PDE9A: variants seen among roughly 807,000 people sequenced by gnomAD.
PDE9A encodes phosphodiesterase 9A, also known as high affinity cGMP-specific 3',5'-cyclic phosphodiesterase 9A.
A neutral mutation model predicts 87.4 loss-of-function variants in PDE9A; 60 were observed. The observed-to-expected ratio is 0.69, with a 90% CI of 0.56 to 0.85. PDE9A has a LOEUF of 0.85. Ranked by LOEUF, PDE9A falls within the 40% of genes least tolerant of loss-of-function variation. The pLI, the probability that PDE9A is intolerant of heterozygous loss-of-function variation, is 0.00. For missense variants in PDE9A, 665 were observed against 779.0 expected, an observed-to-expected ratio of 0.85 and a Z score of 1.74; for synonymous variants, 272 against 279.4, an observed-to-expected ratio of 0.97 and a Z score of 0.27.
chr21:42,716,995 AC>A (rs2049993697), intron 4 of PDE9A, among the ~76,000 whole-genome samples: 1 of 150,576 alleles, frequency 6.6e-6, no homozygotes. Flanking sequence ...CAAGTGATCC[AC>A]CCGCCTCAGC....
At position 42,692,759 on chromosome 21, in the gene PDE9A, T is replaced by C. The variant is rs1014300777; in HGVS notation, c.218+4765T>C. On this transcript the variant is annotated intron_variant, in intron 3 of 19. Coordinates refer to ENST00000291539, the MANE Select transcript of PDE9A (RefSeq NM_002606.3). This position sits in a 1 kb window ranked among gnomAD's most constrained non-coding sequence, Gnocchi z 4.3. ...GTGACGTTACTGGCCTTTTCTTTTTTGGCCCTGCCTCCCCCTTGGCTTCTC... is the reference window on the plus strand; with the variant it reads ...GTGACGTTACTGGCCTTTTCTTTTTCGGCCCTGCCTCCCCCTTGGCTTCTC... 3.3e-5 allele frequency among the ~76,000 whole-genome samples: 5 copies of C among 152,150 alleles called. No homozygotes were observed. Among genetic ancestry groups the C allele is most frequent in the Admixed American group, 2.0e-4 (3 of 15,282 alleles).
chr21:42,697,558 T>C (rs553990637), intron 3 of PDE9A: 1 of 989,258 alleles, frequency 1.0e-6, no homozygotes, highest in Non-Finnish European at 1.6e-6. Flanking sequence ...TCAGTCTGTC[T>C]GAACTTAAAC....
chr21:42,657,766 G>T (rs140616980), intron 1 of PDE9A, among the ~76,000 whole-genome samples: 1 of 152,212 alleles, frequency 6.6e-6, no homozygotes, highest in African/African-American at 2.4e-5. Context: ...TGAATGCTCC[G>T]GGGCCTCTGT....
intron 9 of PDE9A, among the ~76,000 whole-genome samples, chr21:42,753,732 C>G (rs565091247): frequency 6.6e-6 from 1 of 151,908 alleles, no homozygotes; most frequent in Non-Finnish European, 1.5e-5. Context: ...GGCATGGTGG[C>G]GGGCGCCTGC....
intron 2 of PDE9A, among the ~76,000 whole-genome samples, chr21:42,687,378 C>T (rs1189782348): frequency 6.6e-6 from 1 of 152,172 alleles, no homozygotes; most frequent in Admixed American, 6.5e-5. Context: ...ATTTGAGTAT[C>T]ACCTCTATTT....
intron 15 of PDE9A, 76 bp downstream of exon 15, chr21:42,765,570 G>A: frequency 1.3e-6 from 1 of 793,880 alleles, no homozygotes; most frequent in Non-Finnish European, 2.2e-6. Flanking sequence ...AGCTCACACT[G>A]GAAGCCAAGA....
intron 1 of PDE9A, among the ~76,000 whole-genome samples, chr21:42,670,578 C>G (rs369781656): frequency 0.013 from 1,965 of 151,820 alleles, 46 homozygotes; most frequent in African/African-American, 0.045. Context: ...ACACACACCA[C>G]ATACACGCAT....
Position 42,739,589 on chromosome 21 carries a change from A to G in PDE9A, c.569-4187A>G, listed in dbSNP as rs531579427. On this transcript the variant is annotated intron_variant, in intron 7 of 19. Transcript: ENST00000291539. This position sits in a 1 kb window ranked among gnomAD's most constrained non-coding sequence, Gnocchi z 4.1. ...CTCACTATCCATCTACTTGGCCAAC[A>G]GCCTCTTCATAAACTTAATTGCCAC... 7.2e-5 allele frequency among the ~76,000 whole-genome samples: 11 copies of G among 152,330 alleles called. No individual in the cohort carries two copies. Among genetic ancestry groups the G allele is most frequent in the African/African-American group, 2.6e-4 (11 of 41,566 alleles).
At chr21:42,729,729 T>C (rs1169793504) in intron 4 of PDE9A, among the ~76,000 whole-genome samples, 1 of 152,244 alleles carries the variant, frequency 6.6e-6, no homozygotes, top group Non-Finnish European at 1.5e-5. Flanking sequence ...AATGTCTTTT[T>C]AATTTTCCCT....
chr21:42,670,203 ATACACT>A (rs940688916), intron 1 of PDE9A, among the ~76,000 whole-genome samples: 5 of 130,126 alleles, frequency 3.8e-5, no homozygotes, highest in African/African-American at 2.2e-4. Context: ...ATTCACACAC[ATACACT>A]TACATTCACA....
intron 1 of PDE9A, among the ~76,000 whole-genome samples, chr21:42,654,940 TGCTGGGCA>T (rs150490660): frequency 0.05 from 7,643 of 152,024 alleles, 621 homozygotes; most frequent in African/African-American, 0.17. Context: ...ATTTAATCAG[TGCTGGGCA>T]GCTGGGCAGC....
chr21:42,738,650 T>C (rs1272085191), intron 7 of PDE9A, among the ~76,000 whole-genome samples: 2 of 152,192 alleles, frequency 1.3e-5, no homozygotes, highest in African/African-American at 4.8e-5. Context: ...CTGTGACTTG[T>C]AGAAGCTCAC....
At chr21:42,668,055 C>G (rs543734124) in intron 1 of PDE9A, among the ~76,000 whole-genome samples, 14 of 152,270 alleles carry the variant, frequency 9.2e-5, no homozygotes, top group African/African-American at 3.1e-4. Context: ...TCCCCTGCCT[C>G]CCCGCTGGGG....
At chr21:42,756,472 GC>G (rs1199280896) in intron 10 of PDE9A, among the ~76,000 whole-genome samples, 6 of 152,228 alleles carry the variant, frequency 3.9e-5, no homozygotes, top group African/African-American at 1.4e-4. Context: ...GAGTGGTTTG[GC>G]CCAGTGTCCT....
intron 1 of PDE9A, among the ~76,000 whole-genome samples, chr21:42,665,789 G>T (rs1353602457): frequency 6.6e-6 from 1 of 152,234 alleles, no homozygotes; most frequent in Non-Finnish European, 1.5e-5. Flanking sequence ...ACCAGTAACA[G>T]TTGTTGAATA....
At chr21:42,770,043 T>C (rs997647260) in intron 17 of PDE9A, among the ~76,000 whole-genome samples, 1 of 151,818 alleles carries the variant, frequency 6.6e-6, no homozygotes, top group Non-Finnish European at 1.5e-5. Flanking sequence ...TGCGTCCCAG[T>C]TCCTCACCTG....
In PDE9A at chr21:42,692,416, C is replaced by T. The variant is rs767957114; in HGVS notation, c.218+4422C>T. 5.9e-5 allele frequency among the ~76,000 whole-genome samples: 9 copies of T among 152,196 alleles called. No individual in the cohort carries two copies. Among genetic ancestry groups the T allele is most frequent in the Non-Finnish European group, 1.3e-4 (9 of 68,046 alleles). On this transcript the variant is annotated intron_variant, in intron 3 of 19. Coordinates refer to ENST00000291539, the MANE Select transcript of PDE9A (RefSeq NM_002606.3). The surrounding 1 kb of genome is among the most constrained non-coding windows in gnomAD (Gnocchi z 4.3). The stretch of plus-strand genomic sequence containing the variant: ...TGACACACGTGGCCGGAGACATCAG[C>T]GGTGCTGAGGCGGAGCACCTGGTGT...
chr21:42,718,090 A>G (rs919354609), intron 4 of PDE9A, among the ~76,000 whole-genome samples: 2 of 149,124 alleles, frequency 1.3e-5, no homozygotes, highest in Non-Finnish European at 3.0e-5. Flanking sequence ...TAGTAGAGAC[A>G]GGATTTCACC....
At position 42,765,386 on chromosome 21, in the gene PDE9A, G is replaced by T; in HGVS notation, c.1248G>T (p.Met416Ile). 3 of 1,584,296 alleles carry T rather than the reference G, an allele frequency of 1.9e-6. No individual in the cohort carries two copies. Among genetic ancestry groups the T allele is most frequent in the South Asian group, 1.1e-5 (1 of 90,244 alleles). The change falls in exon 15 of 20, where the codon ATG becomes ATT. Residue 416 changes from methionine (M) to isoleucine (I), a missense_variant. Transcript: ENST00000291539. ...PDGFKQIRQG[M>I]ITLILATDMA... ...GTTGTTCTCTCGCTATTTAGGGAAT[G>T]ATCACATTAATCTTGGCCACTGACA... is the stretch of plus-strand genomic sequence containing the variant.
Sources: gnomAD v4.1 joint callset for allele counts (sites outside exome capture counted in the v4.1 genomes callset) on GRCh38, gnomAD v4.1.1 for gene constraint, Gnocchi (gnomAD v3.1) non-coding constraint, MANE v1.5 for transcripts, NCBI Gene and HGNC (gene_info 2026-07-23, HGNC 2026-07-21) for gene names.